Variants in SEMA3G observed in about 807,000 individuals in gnomAD.
SEMA3G encodes semaphorin-3G.
SEMA3G carries 70 observed loss-of-function variants against 86.2 expected under a neutral mutation model. The ratio of observed to expected loss-of-function variants is 0.81; its 90% CI spans 0.67 to 0.99. The LOEUF (loss-of-function observed/expected upper bound fraction) is 0.99. Ranked by LOEUF, SEMA3G falls within the 50% of genes least tolerant of loss-of-function variation. The probability of loss-of-function intolerance (pLI) is 0.00; values close to 1 mark genes in which losing one functional copy is unlikely to be tolerated. For missense variants in SEMA3G, 1,002 were observed against 1,072.4 expected (o/e 0.93, Z 0.92); for synonymous variants, 416 against 441.4 (o/e 0.94, Z 0.72).
Position 52,435,727 on chromosome 3 carries a change from C to T in SEMA3G, c.2225G>A (p.Arg742Gln), listed in dbSNP as rs764449391. 45 of 1,614,000 alleles carry T rather than the reference C, an allele frequency of 2.8e-5. No individual in the cohort carries two copies. Among genetic ancestry groups the T allele is most frequent in the East Asian group, 6.7e-5 (3 of 44,894 alleles). The change falls in exon 16 of 16, where the codon CGG becomes CAG. Residue 742 changes from arginine (R) to glutamine (Q), a missense_variant. Transcript: ENST00000231721. ...GGCCTGCTTGCCCCGGCTCCGGCTC[C>T]GGAAGCAGCCTGAGCATTCCGTGGT... Reference protein sequence around the residue: ...RGTTECSGCFRSRSRGKQARG... With the variant: ...RGTTECSGCFQSRSRGKQARG...
intron 7 of SEMA3G, 72 bp downstream of exon 7, chr3:52,441,192 G>T (rs530772204): frequency 2.1e-5 from 32 of 1,558,754 alleles, no homozygotes; most frequent in East Asian, 1.1e-4. Flanking sequence ...GGCCAGGGGT[G>T]GGGGGAGAAA....
At chr3:52,439,264 A>G (rs1706101994) in intron 12 of SEMA3G, among the ~76,000 whole-genome samples, 1 of 152,104 alleles carries the variant, frequency 6.6e-6, no homozygotes, top group Non-Finnish European at 1.5e-5. Context: ...CAGGTCCAGG[A>G]GGCACAACAG....
At chr3:52,440,166 GT>G in intron 10 of SEMA3G, 68 bp from the exon 11 acceptor site, 1 of 1,359,396 alleles carries the variant, frequency 7.4e-7, no homozygotes, top group Non-Finnish European at 1.0e-6. Flanking sequence ...CCGCCAGTCT[GT>G]TTCCACCCCA....
Position 52,437,993 on chromosome 3 carries a change from C to T in SEMA3G, c.1716G>A (p.Gln572=). 6.2e-7 allele frequency: 1 copy of T among 1,612,700 alleles called. No individual in the cohort carries two copies. The highest frequency in any genetic ancestry group is 1.1e-5 in the South Asian group (1 of 91,052). ...QDIRHGNPAL[Q]CLGQSQEEEA... Reference sequence around the variant, plus strand: ...CACCTTCCTGGCTCTGGCCCAGGCACTGCAGGGCAGGGTTGCCGTGCCGGA... The same window carrying T: ...CACCTTCCTGGCTCTGGCCCAGGCATTGCAGGGCAGGGTTGCCGTGCCGGA... Residue 572 remains glutamine (Q), a synonymous_variant, in exon 14 of 16, where the codon CAG becomes CAA. Transcript: ENST00000231721.
At position 52,438,086 on chromosome 3, in the gene SEMA3G, G is replaced by A. The variant is rs1706080309; in HGVS notation, c.1623C>T (p.Ala541=). ...AGTGGGTACAGGAGGCACCATCCCA[G>A]GCACAGTATGGGTCCCGGGCCAGGC... The part of the protein sequence containing the change: ...ECCLARDPYC[A]WDGASCTHYR... Residue 541 remains alanine, a synonymous_variant, in exon 14 of 16, where the codon GCC becomes GCT. Transcript: ENST00000231721. 5 of 1,613,274 alleles carry A rather than the reference G, an allele frequency of 3.1e-6. No homozygotes were observed. The highest frequency in any genetic ancestry group is 4.2e-6 in the Non-Finnish European group (5 of 1,180,038).
chr3:52,436,171 C>T, intron 15 of SEMA3G, 98 bp from the exon 16 acceptor site: 1 of 1,464,764 alleles, frequency 6.8e-7, no homozygotes, highest in South Asian at 1.4e-5. Context: ...GGCCCAGTGC[C>T]TGGGCACTTC....
Position 52,440,843 on chromosome 3 carries a change from A to G in SEMA3G, c.929-20T>C. 1 of 1,609,500 alleles carries G rather than the reference A, an allele frequency of 6.2e-7. No individual in the cohort carries two copies. Among genetic ancestry groups the G allele is most frequent in the East Asian group, 2.2e-5 (1 of 44,870 alleles). ...CATCCTCTGGGGTAGAGAAAGGAGT[A>G]TGAGTGTCATGGCCACCGCCAATGC... On this transcript the variant is annotated intron_variant, in intron 8 of 15. Transcript: ENST00000231721.
intron 12 of SEMA3G, among the ~76,000 whole-genome samples, chr3:52,439,171 C>T (rs930396081): frequency 1.1e-4 from 17 of 152,156 alleles, no homozygotes; most frequent in Non-Finnish European, 2.2e-4. Flanking sequence ...AAGCAGGAGG[C>T]TTGACTGAAA....
At chr3:52,441,516 G>A in intron 6 of SEMA3G, 58 bp downstream of exon 6, 2 of 1,581,688 alleles carry the variant, frequency 1.3e-6, no homozygotes, top group African/African-American at 1.3e-5. Flanking sequence ...CTGGAGGCTG[G>A]TGTCCTAGCT....
chr3:52,442,231 G>T lies in SEMA3G; in HGVS notation c.413C>A (p.Ala138Asp). The change falls in exon 4 of 16, where the codon GCC becomes GAC. Residue 138 changes from alanine (A) to aspartate (D), a missense_variant. Transcript: ENST00000231721. This position sits in a 1 kb window ranked among gnomAD's most constrained non-coding sequence, Gnocchi z 6.1. ...GATGAGGGCACAGGTGGGCTGGAAG[G>T]CCCCAGTGCCACAGGCTAGCAGGTG... ...RTHLLACGTG[A>D]FQPTCALITV... is the part of the protein sequence containing the mutation. 1 of 1,613,930 alleles carries T rather than the reference G, an allele frequency of 6.2e-7. No homozygotes were observed. Among genetic ancestry groups the T allele is most frequent in the Non-Finnish European group, 8.5e-7 (1 of 1,179,916 alleles).
chr3:52,438,439 C>T (rs982204724), intron 13 of SEMA3G: 1 of 985,352 alleles, frequency 1.0e-6, no homozygotes, highest in Non-Finnish European at 1.2e-6. Flanking sequence ...TAAGGGGCTT[C>T]TCCAGGCCCT....
intron 1 of SEMA3G, among the ~76,000 whole-genome samples, chr3:52,444,135 C>A (rs138330455): frequency 1.1e-3 from 169 of 152,334 alleles, no homozygotes; most frequent in African/African-American, 3.8e-3. Context: ...CAAGGGATAG[C>A]ATGCTGCCTG....
chr3:52,443,188 T>A, intron 1 of SEMA3G: 1 of 619,858 alleles, frequency 1.6e-6, no homozygotes, highest in Non-Finnish European at 2.8e-6. Context: ...CTTCCCACTG[T>A]CCCATCTGTG....
chr3:52,440,416 C>T lies in SEMA3G; in HGVS notation c.1104G>A (p.Gly368=), dbSNP rs778975851. The change falls in exon 10 of 16, where the codon GGG becomes GGA. Residue 368 remains glycine, a synonymous_variant. Coordinates refer to ENST00000231721, the MANE Select transcript of SEMA3G (RefSeq NM_020163.3). ...GGAAGGGCACCTTGCCCCCATAGGG[C>T]CCCCACTGGTGCTGAGGCCCATCTC... ...AHRDGPQHQW[G]PYGGKVPFPR... is the part of the protein sequence containing the mutation. 10 of 1,610,500 alleles carry T rather than the reference C, an allele frequency of 6.2e-6. 1 individual carries two copies. In the South Asian group the frequency reaches 1.1e-4, roughly 18 times the overall value.
At chr3:52,441,938 G>GC (rs1559611806) in intron 4 of SEMA3G, 29 bp from the exon 5 acceptor site, 3 of 1,500,388 alleles carry the variant, frequency 2.0e-6, no homozygotes, top group Admixed American at 2.0e-5. Context: ...GGAGGGAGGG[G>GC]CGTCACCTGG....
In SEMA3G at chr3:52,439,436, T is replaced by C. The variant is rs1161850246; in HGVS notation, c.1467+244A>G. 2.0e-5 allele frequency among the ~76,000 whole-genome samples: 3 copies of C among 152,134 alleles called. No homozygotes were observed. The East Asian group carries it at 5.8e-4, about 29-fold the overall frequency. On this transcript the variant is annotated intron_variant, in intron 12 of 15. Coordinates refer to ENST00000231721, the MANE Select transcript of SEMA3G (RefSeq NM_020163.3). ...ATCCCTCCCAGCACCCCAGGCACTTTCAGCTCACAGGCTGTAGCTCTGGGC... is the reference window on the plus strand; with the variant it reads ...ATCCCTCCCAGCACCCCAGGCACTTCCAGCTCACAGGCTGTAGCTCTGGGC...
chr3:52,443,069 C>T lies in SEMA3G; in HGVS notation c.116-162G>A, dbSNP rs1393750303. The stretch of plus-strand genomic sequence containing the variant: ...GCTGGAAGGCTTTCGGACCATGGCT[C>T]CTGGGGACAGGTGGGACGGGAGGCT... On this transcript the variant is annotated intron_variant, in intron 1 of 15. Coordinates refer to ENST00000231721, the MANE Select transcript of SEMA3G (RefSeq NM_020163.3). The T allele has an allele frequency of 2.6e-6, 4 of 1,531,560 alleles. No individual in the cohort carries two copies. The Admixed American group carries it at 7.9e-5, about 30-fold the overall frequency. 94.9% of individuals were successfully genotyped at this position (1,531,560 alleles called of 1,614,324 possible). A position where few individuals can be genotyped will look rare whatever the true frequency, so the allele number is the denominator to read the frequency against.
At position 52,445,007 on chromosome 3, in the gene SEMA3G, G is replaced by T. The variant is rs1205043993; in HGVS notation, c.21C>A (p.Ala7=). The T allele has an allele frequency of 7.0e-6, 9 of 1,285,018 alleles. No homozygotes were observed. Among genetic ancestry groups the T allele is most frequent in the Non-Finnish European group, 6.9e-6 (7 of 1,010,016 alleles). The allele number at this position is 1,285,018 out of a possible 1,614,324, so 79.6% of individuals were successfully genotyped here. The stretch of plus-strand genomic sequence containing the variant: ...GGAGGCCCCCTAGCAGCCAGCAAAT[G>T]GCCCAGGCCGAGGGGGCCATGCTGG... The part of the protein sequence containing the change: MAPSAW[A]ICWLLGGLLL... The change falls in exon 1 of 16, where the codon GCC becomes GCA. Residue 7 remains alanine, a synonymous_variant. Coordinates refer to ENST00000231721, the MANE Select transcript of SEMA3G (RefSeq NM_020163.3).
Position 52,437,669 on chromosome 3 carries a change from GGA to G in SEMA3G, c.1739-5_1739-4del. On this transcript the variant is annotated splice_polypyrimidine_tract_variant and splice_region_variant and intron_variant, in intron 14 of 15. Transcript: ENST00000231721. ...TGCCACAAGTCCCACTGCCTCTTCT[GGA>G]GAGAGGCAGAGGTTGGCTCAGCTTG... The G allele has an allele frequency of 1.2e-6, 2 of 1,607,820 alleles. No individual in the cohort carries two copies. The highest frequency in any genetic ancestry group is 1.7e-6 in the Non-Finnish European group (2 of 1,175,810).
Sources: allele counts gnomAD v4.1 joint callset (sites outside exome capture counted in the v4.1 genomes callset), GRCh38; gene constraint gnomAD v4.1.1; non-coding constraint Gnocchi (gnomAD v3.1); transcripts MANE v1.5; gene names NCBI Gene and HGNC (gene_info 2026-07-23, HGNC 2026-07-21).